The following ATP2B2 variants were observed in gnomAD, a reference collection of about 807,000 sequenced individuals.
The protein encoded by ATP2B2 is ATPase plasma membrane Ca2+ transporting 2.
A neutral mutation model predicts 120.0 loss-of-function variants in ATP2B2; 15 were observed. That is an observed-to-expected ratio of 0.12 (90% CI 0.08 to 0.19). The LOEUF is 0.19. Ranked by LOEUF, ATP2B2 falls within the 10% of genes least tolerant of loss-of-function variation. The pLI is 1.00. For synonymous variants in ATP2B2, 694 were observed against 700.3 expected (o/e 0.99, Z 0.14); for missense variants, 1,045 against 1,719.8 (o/e 0.61, Z 6.94).
intron 3 of ATP2B2, among the ~76,000 whole-genome samples, chr3:10,525,416 CAG>C (rs2067072232): frequency 6.6e-6 from 1 of 152,236 alleles, no homozygotes; most frequent in Non-Finnish European, 1.5e-5. Flanking sequence ...AAAGACAATA[CAG>C]AGAGTTCTTG....
At chr3:10,429,637 A>AT (rs1399203182) in intron 2 of ATP2B2, among the ~76,000 whole-genome samples, 1 of 152,178 alleles carries the variant, frequency 6.6e-6, no homozygotes, top group East Asian at 1.9e-4. Flanking sequence ...AGACACAACA[A>AT]TACTGAAGTT....
At chr3:10,662,028 G>A (rs1486655365) in intron 1 of ATP2B2, among the ~76,000 whole-genome samples, 14 of 152,140 alleles carry the variant, frequency 9.2e-5, no homozygotes, top group Non-Finnish European at 1.5e-4. Context: ...AAATGGTGCC[G>A]GGAAAACTGG....
chr3:10,330,645 C>T (rs951633039), intron 22 of ATP2B2, among the ~76,000 whole-genome samples: 2 of 152,218 alleles, frequency 1.3e-5, no homozygotes, highest in East Asian at 1.9e-4. Flanking sequence ...CACAGGCCTG[C>T]GGGGAGGCAG....
chr3:10,388,228 AT>A, intron 6 of ATP2B2, 48 bp downstream of exon 6: 1 of 1,612,964 alleles, frequency 6.2e-7, no homozygotes, highest in African/African-American at 1.3e-5. Flanking sequence ...CAAAAAAAAA[AT>A]GTGGCCTTAA....
At chr3:10,504,717 G>A (rs564375999) in intron 1 of ATP2B2, among the ~76,000 whole-genome samples, 2 of 152,272 alleles carry the variant, frequency 1.3e-5, no homozygotes, top group South Asian at 2.1e-4. Context: ...CCTGCAGGGG[G>A]CAGGGAGGAG....
chr3:10,629,788 G>C (rs770428297), intron 1 of ATP2B2, among the ~76,000 whole-genome samples: 18 of 152,192 alleles, frequency 1.2e-4, no homozygotes, highest in Non-Finnish European at 2.5e-4. Context: ...AAGCAGTTCA[G>C]CTCACAAACT....
chr3:10,676,647 C>T (rs975827353), intron 1 of ATP2B2, among the ~76,000 whole-genome samples: 1 of 152,128 alleles, frequency 6.6e-6, no homozygotes, highest in Non-Finnish European at 1.5e-5. Flanking sequence ...CTCCAATAAA[C>T]AGAATGGCTC....
chr3:10,701,702 T>C (rs1371124993), intron 1 of ATP2B2, among the ~76,000 whole-genome samples: 1 of 152,070 alleles, frequency 6.6e-6, no homozygotes, highest in Non-Finnish European at 1.5e-5. Context: ...CAGAGCCCTC[T>C]GGAAGCCTGA....
At chr3:10,471,846 C>G in intron 1 of ATP2B2, among the ~76,000 whole-genome samples, 1 of 151,684 alleles carries the variant, frequency 6.6e-6, no homozygotes, top group Admixed American at 6.6e-5. Context: ...TTTGGGAGGC[C>G]GAGGCGGGCG....
chr3:10,405,494 A>G (rs761392543), intron 3 of ATP2B2, among the ~76,000 whole-genome samples: 14 of 152,168 alleles, frequency 9.2e-5, no homozygotes, highest in Non-Finnish European at 1.9e-4. Flanking sequence ...CCCTAGGAAC[A>G]ACTCCTGCTG....
intron 2 of ATP2B2, among the ~76,000 whole-genome samples, chr3:10,572,735 G>A (rs1034790116): frequency 1.3e-5 from 2 of 152,204 alleles, no homozygotes; most frequent in African/African-American, 4.8e-5. Flanking sequence ...ATATTAATGG[G>A]TTGAAGGGGC....
At chr3:10,410,539 T>A (rs2125016495) in intron 3 of ATP2B2, 79 bp downstream of exon 3, 3 of 1,467,610 alleles carry the variant, frequency 2.0e-6, no homozygotes, top group Non-Finnish European at 2.8e-6. Context: ...GGATTATTTG[T>A]GTGAGCCGTG....
chr3:10,427,995 A>T (rs1262712028), intron 2 of ATP2B2, among the ~76,000 whole-genome samples: 1 of 152,106 alleles, frequency 6.6e-6, no homozygotes, highest in African/African-American at 2.4e-5. Context: ...AATGGATTCA[A>T]CTCCAGTTTT....
intron 2 of ATP2B2, among the ~76,000 whole-genome samples, chr3:10,617,712 A>G (rs898683365): frequency 2.0e-5 from 3 of 152,234 alleles, no homozygotes; most frequent in African/African-American, 7.2e-5. Context: ...CACAGGGACG[A>G]GCTGCTGAGC....
chr3:10,655,272 A>G (rs1001590515), intron 1 of ATP2B2, among the ~76,000 whole-genome samples: 1 of 117,900 alleles, frequency 8.5e-6, no homozygotes, highest in African/African-American at 4.9e-5. Context: ...TCCCTCTCCT[A>G]TTGGGATTTG....
At chr3:10,537,047 T>C (rs1444626019) in intron 2 of ATP2B2, among the ~76,000 whole-genome samples, 2 of 152,214 alleles carry the variant, frequency 1.3e-5, no homozygotes, top group Non-Finnish European at 2.9e-5. Flanking sequence ...AAAAATAGGT[T>C]GGGCATATTT....
chr3:10,403,670 T>C (rs2062308428), intron 3 of ATP2B2, among the ~76,000 whole-genome samples: 1 of 152,130 alleles, frequency 6.6e-6, no homozygotes, highest in African/African-American at 2.4e-5. Context: ...CCTGCAAAAC[T>C]CAGAGCAGTT....
chr3:10,449,475 C>T lies in ATP2B2; in HGVS notation c.69G>A (p.Glu23=), dbSNP rs759325739. ...NQRNESSHGG[E]FGCTMEELRS... ...GGAGCTCCTCCATTGTGCACCCGAA[C>T]TCGCCCCCATGGCTCGACTCATTTC... Residue 23 remains glutamate (E), a synonymous_variant, in exon 2 of 23, where the codon GAG becomes GAA. Transcript: ENST00000360273. 3 of 1,614,152 alleles carry T rather than the reference C, an allele frequency of 1.9e-6. No homozygotes were observed. The highest frequency in any genetic ancestry group is 2.7e-5 in the African/African-American group (2 of 74,956).
At chr3:10,341,966 G>A (rs2060291407) in intron 19 of ATP2B2, among the ~76,000 whole-genome samples, 1 of 152,242 alleles carries the variant, frequency 6.6e-6, no homozygotes, top group African/African-American at 2.4e-5. Context: ...CAAGTGAAAG[G>A]CCAGCTCCGG....
Sources: allele counts gnomAD v4.1 joint callset (sites outside exome capture counted in the v4.1 genomes callset), GRCh38; gene constraint gnomAD v4.1.1; transcripts MANE v1.5; gene names NCBI Gene and HGNC (gene_info 2026-07-23, HGNC 2026-07-21).